Variants in GRIK2 observed in about 807,000 individuals in gnomAD.
The protein encoded by GRIK2 is glutamate ionotropic receptor kainate type subunit 2, also known as glutamate receptor ionotropic, kainate 2.
Under a neutral mutation model 100.3 loss-of-function variants are expected in GRIK2, and 32 were observed. The observed-to-expected ratio is 0.32, with a 90% CI of 0.24 to 0.43. GRIK2 has a LOEUF of 0.43. Among genes scored for constraint, GRIK2 ranks in the 20% least tolerant of loss-of-function variants. The pLI, the probability that GRIK2 is intolerant of heterozygous loss-of-function variation, is 1.00. For missense variants in GRIK2, 843 were observed against 1,114.9 expected, an observed-to-expected ratio of 0.76 and a Z score of 3.47; for synonymous variants, 417 against 389.4, an observed-to-expected ratio of 1.07 and a Z score of -0.83.
chr6:101,652,174 T>G (rs144269298), intron 4 of GRIK2, among the ~76,000 whole-genome samples: 184 of 152,270 alleles, frequency 1.2e-3, no homozygotes, highest in Middle Eastern at 3.4e-3. Context: ...ACCAGATGTT[T>G]GTGTTCCCCC....
chr6:102,002,214 C>T (rs980096922), intron 14 of GRIK2, among the ~76,000 whole-genome samples: 9 of 149,564 alleles, frequency 6.0e-5, no homozygotes, highest in African/African-American at 2.0e-4. Flanking sequence ...TATTGGTCTA[C>T]CTTCTATCAC....
intron 4 of GRIK2, among the ~76,000 whole-genome samples, chr6:101,646,916 A>C (rs1439773088): frequency 6.6e-6 from 1 of 151,898 alleles, no homozygotes; most frequent in East Asian, 1.9e-4. Flanking sequence ...AAGAGATATA[A>C]AACATGAGAG....
intron 5 of GRIK2, among the ~76,000 whole-genome samples, chr6:101,680,489 T>G (rs1771161622): frequency 1.3e-5 from 2 of 152,196 alleles, no homozygotes. Context: ...TTTCATGTCC[T>G]AGTTTCCTTA....
chr6:101,542,413 A>C (rs955957611), intron 2 of GRIK2, among the ~76,000 whole-genome samples: 1 of 152,066 alleles, frequency 6.6e-6, no homozygotes, highest in Non-Finnish European at 1.5e-5. Context: ...TTTGCATTTT[A>C]TGGTCACCTA....
chr6:101,753,481 T>C (rs1235159749), intron 7 of GRIK2, among the ~76,000 whole-genome samples: 3 of 151,870 alleles, frequency 2.0e-5, no homozygotes, highest in Non-Finnish European at 4.4e-5. Flanking sequence ...TTATGGAGAG[T>C]ATGAAGTCTT....
At chr6:101,402,019 T>C (rs1775336687) in intron 2 of GRIK2, among the ~76,000 whole-genome samples, 1 of 151,204 alleles carries the variant, frequency 6.6e-6, no homozygotes, top group Non-Finnish European at 1.5e-5. Context: ...CCAGCCCCCC[T>C]TCCCCGCTAG....
chr6:101,923,330 A>AT (rs1217400737), intron 12 of GRIK2, among the ~76,000 whole-genome samples: 2 of 152,104 alleles, frequency 1.3e-5, no homozygotes, highest in African/African-American at 4.8e-5. Context: ...TGGGAAAAAT[A>AT]TTTTTTTAGT....
intron 2 of GRIK2, among the ~76,000 whole-genome samples, chr6:101,449,417 T>C (rs1458452853): frequency 6.6e-6 from 1 of 151,690 alleles, no homozygotes; most frequent in African/African-American, 2.4e-5. Flanking sequence ...CAGCAGTATG[T>C]ATAATGTAGG....
At chr6:101,723,336 A>C (rs1255086972) in intron 7 of GRIK2, among the ~76,000 whole-genome samples, 1 of 152,062 alleles carries the variant, frequency 6.6e-6, no homozygotes, top group African/African-American at 2.4e-5. Flanking sequence ...TCCATTATAG[A>C]CATTGTACAA....
At chr6:101,501,678 A>G (rs1198854806) in intron 2 of GRIK2, among the ~76,000 whole-genome samples, 1 of 152,200 alleles carries the variant, frequency 6.6e-6, no homozygotes, top group Non-Finnish European at 1.5e-5. Flanking sequence ...AGAAAGAACT[A>G]TAGTAACCTG....
At chr6:101,674,767 G>A (rs925729728) in intron 4 of GRIK2, among the ~76,000 whole-genome samples, 3 of 152,060 alleles carry the variant, frequency 2.0e-5, no homozygotes, top group Non-Finnish European at 4.4e-5. Context: ...TGCAATTTTT[G>A]CAGCTGTTAT....
chr6:101,491,262 A>G (rs1173255695), intron 2 of GRIK2, among the ~76,000 whole-genome samples: 7 of 107,542 alleles, frequency 6.5e-5, no homozygotes, highest in Non-Finnish European at 1.3e-4. Flanking sequence ...TTTCTGGATT[A>G]GGAGAAAAAA....
At chr6:101,518,089 G>A (rs1283456568) in intron 2 of GRIK2, among the ~76,000 whole-genome samples, 1 of 140,140 alleles carries the variant, frequency 7.1e-6, no homozygotes, top group African/African-American at 2.5e-5. Context: ...TATTATGAAT[G>A]TTTTGAGACC....
At chr6:101,534,622 T>A (rs1775600025) in intron 2 of GRIK2, among the ~76,000 whole-genome samples, 1 of 151,828 alleles carries the variant, frequency 6.6e-6, no homozygotes, top group East Asian at 1.9e-4. Flanking sequence ...ATAAGGGCTA[T>A]TTTTAACAAA....
chr6:102,013,383 G>C, intron 14 of GRIK2, among the ~76,000 whole-genome samples: 1 of 152,014 alleles, frequency 6.6e-6, no homozygotes. Flanking sequence ...CTACAAACAG[G>C]GATACTTTTA....
At position 101,634,960 on chromosome 6, in the gene GRIK2, CATTTT is replaced by C. The variant is rs750325890; in HGVS notation, c.541+8331_541+8335del. On this transcript the variant is annotated intron_variant, in intron 4 of 16. Coordinates refer to ENST00000369134, the MANE Select transcript of GRIK2 (RefSeq NM_021956.5). ...GGAAAGTCAATTAATAGTGAAAACT[CATTTT>C]ATTTTATCTTGCACGTATATTTAAA... Among the ~76,000 whole-genome samples, 111 of 152,050 alleles carry C rather than the reference CATTTT, an allele frequency of 7.3e-4. 1 individual carries two copies. The highest frequency in any genetic ancestry group is 3.4e-3 in the Middle Eastern group (1 of 294).
chr6:101,595,062 A>G (rs1778846828), intron 2 of GRIK2, among the ~76,000 whole-genome samples: 1 of 151,742 alleles, frequency 6.6e-6, no homozygotes, highest in African/African-American at 2.4e-5. Flanking sequence ...AGAAACCTCA[A>G]GTAGGCATTC....
intron 2 of GRIK2, among the ~76,000 whole-genome samples, chr6:101,494,023 TA>T (rs1180033720): frequency 1.1e-5 from 1 of 87,800 alleles, no homozygotes; most frequent in Non-Finnish European, 2.1e-5. Flanking sequence ...ATATAAAAAT[TA>T]TATATATAAT....
At chr6:102,040,739 G>C (rs190854920) in intron 15 of GRIK2, among the ~76,000 whole-genome samples, 278 of 151,596 alleles carry the variant, frequency 1.8e-3, no homozygotes, top group African/African-American at 6.4e-3. Flanking sequence ...CTCAATTTAT[G>C]ATATAATAAG....
Sources: gnomAD v4.1 joint callset for allele counts (sites outside exome capture counted in the v4.1 genomes callset) on GRCh38, gnomAD v4.1.1 for gene constraint, MANE v1.5 for transcripts, NCBI Gene and HGNC (gene_info 2026-07-23, HGNC 2026-07-21) for gene names.